The following C20orf96 variants were observed in gnomAD, a reference collection of about 807,000 sequenced individuals.
C20orf96 encodes the protein uncharacterized protein C20orf96.
C20orf96 carries 57 observed loss-of-function variants against 52.6 expected under a neutral mutation model. That is an observed-to-expected ratio of 1.08 (90% CI 0.88 to 1.35). The LOEUF is 1.35. C20orf96 is among the 40% of genes most tolerant of loss of function. C20orf96 has a pLI of 0.00. For synonymous variants in C20orf96, 168 were observed against 157.2 expected, an observed-to-expected ratio of 1.07 and a Z score of -0.51; for missense variants, 478 against 443.6, an observed-to-expected ratio of 1.08 and a Z score of -0.70.
At position 284,044 on chromosome 20, in the gene C20orf96, G is replaced by A; in HGVS notation, c.225C>T (p.Cys75=). The part of the protein sequence containing the change: ...HFKPTTVVTS[C]QPKNPRELHR... ...GTAGTTCTCTTGGATTCTTCGGCTGGCAGCTTGTCACCACCGTAGTGGGCT... is the reference window on the plus strand; with the variant it reads ...GTAGTTCTCTTGGATTCTTCGGCTGACAGCTTGTCACCACCGTAGTGGGCT... Residue 75 remains cysteine, a synonymous_variant, in exon 4 of 11, where the codon TGC becomes TGT. Transcript: ENST00000360321. The A allele has an allele frequency of 6.2e-7, 1 of 1,614,106 alleles. No individual in the cohort carries two copies. Among genetic ancestry groups the A allele is most frequent in the Non-Finnish European group, 8.5e-7 (1 of 1,180,018 alleles).
rs750461479 is a variant in C20orf96 at position 290,563 on chromosome 20, A to ATTTTTT, written c.20+22_20+27dup. ...GCATGCGTATTCCGCCTTTCTTCCA[A>ATTTTTT]TTTTTTTTTTTTTTTTTTTTTACCT... is the stretch of plus-strand genomic sequence containing the variant. On this transcript the variant is annotated intron_variant, in intron 1 of 10. Transcript: ENST00000360321. 651 of 1,308,218 alleles carry ATTTTTT rather than the reference A, an allele frequency of 5.0e-4. 11 individuals carry two copies. Among genetic ancestry groups the ATTTTTT allele is most frequent in the African/African-American group, 3.9e-3 (193 of 49,538 alleles). The allele number at this position is 1,308,218 out of a possible 1,614,324, so 81.0% of individuals were successfully genotyped here.
intron 4 of C20orf96, among the ~76,000 whole-genome samples, chr20:283,037 CT>C (rs1249410867): frequency 6.6e-6 from 1 of 152,132 alleles, no homozygotes; most frequent in Non-Finnish European, 1.5e-5. Context: ...GTTCATTGAG[CT>C]ATTAAAAATT....
At chr20:288,174 C>CTTTTTCTTTTT (rs760222046) in intron 3 of C20orf96, among the ~76,000 whole-genome samples, 6 of 66,040 alleles carry the variant, frequency 9.1e-5, no homozygotes, top group African/African-American at 3.7e-4. Context: ...TTTTCTTTTT[C>CTTTTTCTTTTT]TTTTTTTTTT....
At chr20:290,563 AT>A (rs750461479) in intron 1 of C20orf96, 27 bp downstream of exon 1, 124,322 of 1,190,426 alleles carry the variant, frequency 0.1, 10 homozygotes, top group Middle Eastern at 0.13. Context: ...CTTTCTTCCA[AT>A]TTTTTTTTTT....
At chr20:274,397 G>A (rs898025295) in intron 10 of C20orf96, among the ~76,000 whole-genome samples, 9 of 152,116 alleles carry the variant, frequency 5.9e-5, no homozygotes, top group Non-Finnish European at 1.3e-4. Flanking sequence ...CAAGAAACCC[G>A]AAAGGACTCC....
Position 276,088 on chromosome 20 carries a change from T to G in C20orf96, c.913-2A>C. 6.2e-7 allele frequency: 1 copy of G among 1,613,638 alleles called. No individual in the cohort carries two copies. Among genetic ancestry groups the G allele is most frequent in the African/African-American group, 1.3e-5 (1 of 74,768 alleles). On this transcript the variant is annotated splice_acceptor_variant, in intron 9 of 10. Coordinates refer to ENST00000360321, the MANE Select transcript of C20orf96 (RefSeq NM_153269.3). LOFTEE classifies it high-confidence loss of function. Reference sequence around the variant, plus strand: ...GTTCTCCTCAAACTGGTCAATAATCTGAGAGGAAAGGCACAGCAGGGGAGA... The same window carrying G: ...GTTCTCCTCAAACTGGTCAATAATCGGAGAGGAAAGGCACAGCAGGGGAGA...
chr20:271,269 T>C lies in C20orf96; in HGVS notation c.1032-2A>G, dbSNP rs753220616. The C allele has an allele frequency of 1.9e-6, 3 of 1,552,572 alleles. No homozygotes were observed. The highest frequency in any genetic ancestry group is 1.4e-5 in the African/African-American group (1 of 73,288). On this transcript the variant is annotated splice_acceptor_variant, in intron 10 of 10. Coordinates refer to ENST00000360321, the MANE Select transcript of C20orf96 (RefSeq NM_153269.3). LOFTEE classifies it high-confidence loss of function. ...ATGACATCCATGTCTGGGGTGCACC[T>C]GGTGGGAGGCAGCACAGAAGGCCAT...
chr20:285,161 CA>C lies in C20orf96; in HGVS notation c.188-1081del, dbSNP rs2012352290. ...ACCAGACGAAGGCACAGCAGCCACGCAAAACTCCAACTGGCTGTCTCTGAAA... is the reference window on the plus strand; with the variant it reads ...ACCAGACGAAGGCACAGCAGCCACGCAAACTCCAACTGGCTGTCTCTGAAA... On this transcript the variant is annotated intron_variant, in intron 3 of 10. Coordinates refer to ENST00000360321, the MANE Select transcript of C20orf96 (RefSeq NM_153269.3). Among the ~76,000 whole-genome samples, 4 of 152,202 alleles carry C rather than the reference CA, an allele frequency of 2.6e-5. No homozygotes were observed. The South Asian group carries it at 8.3e-4, about 32-fold the overall frequency.
At chr20:286,656 C>A (rs946667024) in intron 3 of C20orf96, among the ~76,000 whole-genome samples, 2 of 152,078 alleles carry the variant, frequency 1.3e-5, no homozygotes, top group Non-Finnish European at 2.9e-5. Context: ...GTACCCTTTA[C>A]CCAGTTTCTC....
chr20:271,011 G>A lies in C20orf96; in HGVS notation c.*196C>T. ...GAAAGGAGGGAGGGAGGGAGAGGAG[G>A]AAGGAAGGAGGAGGGAAGGGAAGGG... On this transcript the variant is annotated 3_prime_UTR_variant, in exon 11 of 11. Coordinates refer to ENST00000360321, the MANE Select transcript of C20orf96 (RefSeq NM_153269.3). The A allele has an allele frequency of 1.9e-6, 1 of 528,446 alleles. No homozygotes were observed. The highest frequency in any genetic ancestry group is 3.3e-6 in the Non-Finnish European group (1 of 304,726). The allele number at this position is 528,446 out of a possible 1,614,324, so 32.7% of individuals were successfully genotyped here.
At position 274,595 on chromosome 20, in the gene C20orf96, A is replaced by G. The variant is rs76532831; in HGVS notation, c.1031+1373T>C. The stretch of plus-strand genomic sequence containing the variant: ...CCTTTCAGTCTCATTCACTGTGTTC[A>G]GAGTTCAGGTAAAGACAAGTGACTA... On this transcript the variant is annotated intron_variant, in intron 10 of 10. Transcript: ENST00000360321. 5.9e-4 allele frequency among the ~76,000 whole-genome samples: 90 copies of G among 152,088 alleles called. 2 individuals are homozygous for G. The highest frequency in any genetic ancestry group is 2.2e-4 in the Non-Finnish European group (15 of 68,014).
chr20:279,475 G>A (rs2012191804), intron 4 of C20orf96, 145 bp from the exon 5 acceptor site: 1 of 890,788 alleles, frequency 1.1e-6, no homozygotes. Context: ...AAGCTGGGCG[G>A]TTCCCCATTG....
Position 289,685 on chromosome 20 carries a change from T to A in C20orf96, c.70-9A>T. Reference sequence around the variant, plus strand: ...TGCCATGGAACATAATCCTACAAAATATACAATCAGTCACATAGCACCATG... The same window carrying A: ...TGCCATGGAACATAATCCTACAAAAAATACAATCAGTCACATAGCACCATG... On this transcript the variant is annotated splice_polypyrimidine_tract_variant and intron_variant, in intron 2 of 10. Coordinates refer to ENST00000360321, the MANE Select transcript of C20orf96 (RefSeq NM_153269.3). 6.2e-7 allele frequency: 1 copy of A among 1,600,844 alleles called. No individual in the cohort carries two copies.
chr20:290,187 G>A (rs1364327277), intron 2 of C20orf96, 72 bp downstream of exon 2: 2 of 1,219,568 alleles, frequency 1.6e-6, no homozygotes, highest in Admixed American at 2.0e-5. Context: ...AGTCACGACC[G>A]TGAGAGTGGA....
In C20orf96 at chr20:279,351, A is replaced by G. The variant is rs116720705; in HGVS notation, c.307-21T>C. ...GAGGTCTGCGGGCGGAGGGAAGAGC[A>G]GAGAGGCGGCGCTGCGCCCTGCCCG... On this transcript the variant is annotated intron_variant, in intron 4 of 10. Coordinates refer to ENST00000360321, the MANE Select transcript of C20orf96 (RefSeq NM_153269.3). The G allele has an allele frequency of 6.5e-4, 1,041 of 1,597,706 alleles. 6 individuals carry two copies. In the African/African-American group the frequency reaches 0.013, roughly 20 times the overall value.
At chr20:289,783 C>T in intron 2 of C20orf96, 107 bp from the exon 3 acceptor site, 1 of 832,670 alleles carries the variant, frequency 1.2e-6, no homozygotes, top group Non-Finnish European at 2.0e-6. Flanking sequence ...TCCTGAGCCT[C>T]AATCTTCTCA....
intron 3 of C20orf96, among the ~76,000 whole-genome samples, chr20:287,223 C>T (rs1279760929): frequency 6.6e-6 from 1 of 152,196 alleles, no homozygotes; most frequent in African/African-American, 2.4e-5. Context: ...GTGCATGTTT[C>T]ATGTTGTTAG....
intron 3 of C20orf96, among the ~76,000 whole-genome samples, chr20:284,388 G>A (rs953272112): frequency 3.3e-5 from 5 of 152,202 alleles, no homozygotes; most frequent in Admixed American, 2.6e-4. Context: ...AGAGAGTCGG[G>A]AACTCCCACT....
In C20orf96 at chr20:271,308, T is replaced by C. The variant is rs201163530; in HGVS notation, c.1032-41A>G. On this transcript the variant is annotated intron_variant, in intron 10 of 10. Transcript: ENST00000360321. ...ACAGAAGGCCATGAGAGACCAGAGG[T>C]GGCGGTGTGGGAGCACCCACTCAGA... 82 of 1,498,856 alleles carry C rather than the reference T, an allele frequency of 5.5e-5. No homozygotes were observed. The African/African-American group carries it at 9.5e-4, about 17-fold the overall frequency. The allele number at this position is 1,498,856 out of a possible 1,614,324, so 92.8% of individuals were successfully genotyped here.
Sources: gnomAD v4.1 joint callset for allele counts (sites outside exome capture counted in the v4.1 genomes callset) on GRCh38, gnomAD v4.1.1 for gene constraint, MANE v1.5 for transcripts, NCBI Gene and HGNC (gene_info 2026-07-23, HGNC 2026-07-21) for gene names.